AKT3: variants seen among roughly 807,000 people sequenced by gnomAD.
AKT3 encodes RAC-gamma serine/threonine-protein kinase.
A neutral mutation model predicts 65.3 loss-of-function variants in AKT3; 15 were observed. The ratio of observed to expected loss-of-function variants is 0.23; its 90% CI spans 0.15 to 0.35. AKT3 has a LOEUF of 0.35. Among genes scored for constraint, AKT3 ranks in the 10% least tolerant of loss-of-function variants. AKT3 has a pLI of 1.00. For synonymous variants in AKT3, 206 were observed against 183.8 expected (o/e 1.12, Z -0.98); for missense variants, 243 against 576.5 (o/e 0.42, Z 5.92).
intron 12 of AKT3, among the ~76,000 whole-genome samples, chr1:243,523,611 T>C (rs4515770): frequency 0.35 from 52,955 of 151,930 alleles, 12,154 homozygotes; most frequent in African/African-American, 0.65. Flanking sequence ...CCCTAAATAT[T>C]CATACTAAAG....
chr1:243,530,927 G>A (rs1426416747), intron 12 of AKT3, among the ~76,000 whole-genome samples: 1 of 152,122 alleles, frequency 6.6e-6, no homozygotes, highest in East Asian at 1.9e-4. Flanking sequence ...ACTAGTTTAA[G>A]CATTAAGAGT....
At chr1:243,808,228 C>G (rs752889178) in intron 2 of AKT3, 1 of 152,158 alleles carries the variant, frequency 6.6e-6, no homozygotes, top group Non-Finnish European at 1.5e-5. Context: ...AATCAAACTT[C>G]TCAGAGCTAA....
In AKT3 at chr1:243,779,369, C is replaced by T. The variant is rs533384701; in HGVS notation, c.46+63756G>A. 2.6e-4 allele frequency among the ~76,000 whole-genome samples: 39 copies of T among 152,110 alleles called. 1 individual carries two copies. Among genetic ancestry groups the T allele is most frequent in the African/African-American group, 8.7e-4 (36 of 41,520 alleles). Reference sequence around the variant, plus strand: ...TCCTCCAGCAATACCTGAGCAGTGACAATGCCTGGTTTTCCAGAGCAAAAA... The same window carrying T: ...TCCTCCAGCAATACCTGAGCAGTGATAATGCCTGGTTTTCCAGAGCAAAAA... On this transcript the variant is annotated intron_variant, in intron 2 of 13. Coordinates refer to ENST00000673466, the MANE Select transcript of AKT3 (RefSeq NM_005465.7).
chr1:243,698,498 T>A (rs934992075), intron 2 of AKT3, among the ~76,000 whole-genome samples: 7 of 152,114 alleles, frequency 4.6e-5, no homozygotes, highest in African/African-American at 1.7e-4. Context: ...AACATCATTA[T>A]ATAAATCTTG....
chr1:243,811,052 C>A (rs904919006), intron 2 of AKT3, among the ~76,000 whole-genome samples: 2 of 152,068 alleles, frequency 1.3e-5, no homozygotes, highest in African/African-American at 4.8e-5. Context: ...TTATGAGAAA[C>A]CCACAGCCAA....
At chr1:243,594,776 T>A (rs9428968) in intron 8 of AKT3, among the ~76,000 whole-genome samples, 623 of 152,288 alleles carry the variant, frequency 4.1e-3, no homozygotes, top group Middle Eastern at 6.8e-3. Context: ...GACAGGGTCC[T>A]GCTGTGTTGC....
At chr1:243,646,692 G>A (rs756817995) in intron 4 of AKT3, among the ~76,000 whole-genome samples, 15 of 151,962 alleles carry the variant, frequency 9.9e-5, no homozygotes, top group Non-Finnish European at 1.5e-4. Context: ...AAAGTTTGCT[G>A]CAGTTTTTAG....
chr1:243,528,168 C>A (rs1671284185), intron 12 of AKT3, among the ~76,000 whole-genome samples: 2 of 152,094 alleles, frequency 1.3e-5, no homozygotes, highest in African/African-American at 4.8e-5. Flanking sequence ...TTACATCTTA[C>A]TATCTGTATG....
intron 2 of AKT3, among the ~76,000 whole-genome samples, chr1:243,739,244 A>T (rs1688007664): frequency 6.6e-6 from 1 of 152,214 alleles, no homozygotes; most frequent in Non-Finnish European, 1.5e-5. Flanking sequence ...AATATATTTA[A>T]CCAAGTATAT....
At chr1:243,760,862 C>A (rs1689450527) in intron 2 of AKT3, among the ~76,000 whole-genome samples, 1 of 152,052 alleles carries the variant, frequency 6.6e-6, no homozygotes, top group Non-Finnish European at 1.5e-5. Context: ...TTCATTCAGG[C>A]ATGAGTTATA....
At chr1:243,846,431 C>T (rs551170409) in intron 1 of AKT3, among the ~76,000 whole-genome samples, 1 of 152,188 alleles carries the variant, frequency 6.6e-6, no homozygotes, top group Non-Finnish European at 1.5e-5. Flanking sequence ...TTACTTTCCT[C>T]TCATAATATT....
chr1:243,850,952 C>A (rs1171960755), upstream of AKT3: 2 of 152,122 alleles, frequency 1.3e-5, no homozygotes, highest in Non-Finnish European at 2.9e-5. Flanking sequence ...TCCGCCCACC[C>A]GCCCTGGCCG....
At chr1:243,553,885 G>T (rs1451236698) in intron 10 of AKT3, among the ~76,000 whole-genome samples, 2 of 152,034 alleles carry the variant, frequency 1.3e-5, no homozygotes, top group South Asian at 2.1e-4. Flanking sequence ...AACTATATTT[G>T]ATAATCTTAA....
chr1:243,615,646 G>A (rs983225532), intron 6 of AKT3, among the ~76,000 whole-genome samples: 1 of 152,078 alleles, frequency 6.6e-6, no homozygotes, highest in African/African-American at 2.4e-5. Context: ...GAATACACAT[G>A]CAATATTTAG....
rs1295931560 is a variant in AKT3 at position 243,615,595 on chromosome 1, TA to T, written c.562-435del. On this transcript the variant is annotated intron_variant, in intron 6 of 13. Coordinates refer to ENST00000673466, the MANE Select transcript of AKT3 (RefSeq NM_005465.7). ...ATTTCCCAATAAATATCAAAGAATT[TA>T]AAAGTCTCCTACTTTAAATAAATTA... is the stretch of plus-strand genomic sequence containing the variant. Among the ~76,000 whole-genome samples, 4 of 152,296 alleles carry T rather than the reference TA, an allele frequency of 2.6e-5. No homozygotes were observed. The South Asian group carries it at 8.3e-4, about 32-fold the overall frequency.
intron 2 of AKT3, chr1:243,818,066 C>A (rs1018230234): frequency 6.6e-6 from 1 of 152,188 alleles, no homozygotes. Context: ...AAGGAAACTA[C>A]GAAGTAGGAT....
chr1:243,725,103 G>A (rs1350918819), intron 2 of AKT3, among the ~76,000 whole-genome samples: 1 of 151,728 alleles, frequency 6.6e-6, no homozygotes, highest in African/African-American at 2.4e-5. Flanking sequence ...CTAGCTACTC[G>A]GGAGGTTAGC....
chr1:243,625,020 C>A, intron 6 of AKT3: 1 of 360,222 alleles, frequency 2.8e-6, no homozygotes, highest in South Asian at 2.8e-5. Flanking sequence ...AAAGTTCTGT[C>A]GGTCAGCTTC....
rs1315662294 is a variant in AKT3 at position 243,501,086 on chromosome 1, G to A, written c.*4163C>T. On this transcript the variant is annotated 3_prime_UTR_variant, in exon 14 of 14. Coordinates refer to ENST00000673466, the MANE Select transcript of AKT3 (RefSeq NM_005465.7). ...ACATGTGAGAATGCCCTCAAATTTG[G>A]CCGTGTGACATACACATACATGCTT... 2 of 230,952 alleles carry A rather than the reference G, an allele frequency of 8.7e-6. No homozygotes were observed. The highest frequency in any genetic ancestry group is 5.7e-5 in the Admixed American group (1 of 17,690). The allele number at this position is 230,952 out of a possible 1,614,324, so 14.3% of individuals were successfully genotyped here.
Sources: allele counts gnomAD v4.1 joint callset (sites outside exome capture counted in the v4.1 genomes callset), GRCh38; gene constraint gnomAD v4.1.1; transcripts MANE v1.5; gene names NCBI Gene and HGNC (gene_info 2026-07-23, HGNC 2026-07-21).